The following CDC73 variants were observed in gnomAD, a reference collection of about 807,000 sequenced individuals.
The protein encoded by CDC73 is cell division cycle 73.
CDC73 carries 21 observed loss-of-function variants against 83.7 expected under a neutral mutation model. The observed-to-expected ratio is 0.25, with a 90% CI of 0.18 to 0.36. CDC73 has a LOEUF of 0.36. Among genes scored for constraint, CDC73 ranks in the 10% least tolerant of loss-of-function variants. The pLI, the probability that CDC73 is intolerant of heterozygous loss-of-function variation, is 1.00. For synonymous variants in CDC73, 224 were observed against 212.9 expected, an observed-to-expected ratio of 1.05 and a Z score of -0.45; for missense variants, 342 against 653.3, an observed-to-expected ratio of 0.52 and a Z score of 5.19.
intron 13 of CDC73, among the ~76,000 whole-genome samples, chr1:193,220,189 C>T (rs1365627612): frequency 6.8e-5 from 7 of 103,328 alleles, no homozygotes; most frequent in South Asian, 3.3e-4. Flanking sequence ...TTTTTTGAGA[C>T]GGAGTCTCGC....
At chr1:193,132,049 TAACTG>T in intron 3 of CDC73, among the ~76,000 whole-genome samples, 1 of 152,322 alleles carries the variant, frequency 6.6e-6, no homozygotes, top group Admixed American at 6.5e-5. Flanking sequence ...GGTAGGTTCT[TAACTG>T]AATAAATGAG....
intron 10 of CDC73, among the ~76,000 whole-genome samples, chr1:193,187,253 G>T (rs1676830217): frequency 6.6e-6 from 1 of 151,882 alleles, no homozygotes; most frequent in Admixed American, 6.6e-5. Flanking sequence ...ACTTTTTAAT[G>T]TTGTCATTTA....
intron 3 of CDC73, among the ~76,000 whole-genome samples, chr1:193,134,242 T>C (rs929645299): frequency 6.6e-6 from 1 of 152,082 alleles, no homozygotes; most frequent in Non-Finnish European, 1.5e-5. Flanking sequence ...TGAAAACTTG[T>C]GACTTTATAT....
rs564215608 is a variant in CDC73 at position 193,216,462 on chromosome 1, C to T, written c.1154+3985C>T. ...ATCAGTAGAAAAGAATCCTACCAAC[C>T]GGAAGCCCCCCAACCCCAAACCAGA... On this transcript the variant is annotated intron_variant, in intron 13 of 16. Coordinates refer to ENST00000367435, the MANE Select transcript of CDC73 (RefSeq NM_024529.5). 3.9e-5 allele frequency among the ~76,000 whole-genome samples: 6 copies of T among 152,126 alleles called. 1 individual carries two copies. The South Asian group carries it at 1.0e-3, about 26-fold the overall frequency.
At chr1:193,238,326 T>C (rs1478949963) in intron 15 of CDC73, among the ~76,000 whole-genome samples, 1 of 152,186 alleles carries the variant, frequency 6.6e-6, no homozygotes, top group Non-Finnish European at 1.5e-5. Context: ...CTTTTTCCTT[T>C]TATAGCTGCA....
At chr1:193,241,951 A>G (rs1054942634) in intron 15 of CDC73, among the ~76,000 whole-genome samples, 1 of 152,176 alleles carries the variant, frequency 6.6e-6, no homozygotes, top group Admixed American at 6.5e-5. Context: ...AACGGCCAGT[A>G]AGCAGGCATC....
intron 1 of CDC73, among the ~76,000 whole-genome samples, chr1:193,123,229 T>C (rs377373367): frequency 4.9e-4 from 75 of 152,270 alleles, no homozygotes; most frequent in African/African-American, 1.7e-3. Context: ...TTGGTTGGTA[T>C]TTATTTATTT....
chr1:193,172,233 G>A (rs1266551756), intron 10 of CDC73, among the ~76,000 whole-genome samples: 1 of 141,210 alleles, frequency 7.1e-6, no homozygotes, highest in Admixed American at 7.3e-5. Context: ...CTGATTTTTG[G>A]TACCTTTTTT....
intron 14 of CDC73, among the ~76,000 whole-genome samples, chr1:193,234,271 A>AATATATATAATTTATTATATATATTAT (rs1439782612): frequency 7.3e-6 from 1 of 137,176 alleles, no homozygotes; most frequent in African/African-American, 2.7e-5. Flanking sequence ...ATTTAATTAT[A>AATATATATAATTTATTATATATATTAT]ATATATATAA....
rs1485379127 is a variant in CDC73 at position 193,152,325 on chromosome 1, G to T, written c.908-55G>T. 4 of 1,078,808 alleles carry T rather than the reference G, an allele frequency of 3.7e-6. No individual in the cohort carries two copies. In the South Asian group the frequency reaches 5.1e-5, roughly 14 times the overall value. The allele number at this position is 1,078,808 out of a possible 1,614,324, so 66.8% of individuals were successfully genotyped here. A position where few individuals can be genotyped will look rare whatever the true frequency, so the allele number is the denominator to read the frequency against. On this transcript the variant is annotated intron_variant, in intron 9 of 16. Coordinates refer to ENST00000367435, the MANE Select transcript of CDC73 (RefSeq NM_024529.5). ...GATTATTACTTTAGATTTGTTATAG[G>T]TCATAAGATACATGATCTATAAAAT...
At position 193,190,273 on chromosome 1, in the gene CDC73, A is replaced by G. The variant is rs74130931; in HGVS notation, c.973-13522A>G. Among the ~76,000 whole-genome samples, 68 of 152,300 alleles carry G rather than the reference A, an allele frequency of 4.5e-4. 1 individual carries two copies. In the East Asian group the frequency reaches 7.7e-3, roughly 17 times the overall value. On this transcript the variant is annotated intron_variant, in intron 10 of 16. Transcript: ENST00000367435. ...TATTGAGATGACTAGACAATTTTGC[A>G]TGATGTTTGCTTGGAGTTTATTTCT...
chr1:193,196,685 A>C (rs1012508007), intron 10 of CDC73, among the ~76,000 whole-genome samples: 1 of 152,112 alleles, frequency 6.6e-6, no homozygotes, highest in African/African-American at 2.4e-5. Context: ...GTTTATTCCT[A>C]AGTATTTCAT....
At chr1:193,208,078 TTC>T (rs1677219274) in intron 11 of CDC73, among the ~76,000 whole-genome samples, 1 of 152,242 alleles carries the variant, frequency 6.6e-6, no homozygotes. Flanking sequence ...CTCTATAGTC[TTC>T]TGCTTTTTCA....
intron 10 of CDC73, among the ~76,000 whole-genome samples, chr1:193,202,778 C>G (rs1677114787): frequency 6.6e-6 from 1 of 151,788 alleles, no homozygotes; most frequent in African/African-American, 2.4e-5. Flanking sequence ...TTTTTATAGT[C>G]ATTTATTTTT....
intron 7 of CDC73, among the ~76,000 whole-genome samples, chr1:193,146,888 T>C (rs900905399): frequency 3.3e-5 from 5 of 152,212 alleles, no homozygotes; most frequent in African/African-American, 1.2e-4. Context: ...TCAAAACTCA[T>C]ATGTAGCAAT....
chr1:193,234,273 T>TATAATATATATA, intron 14 of CDC73, among the ~76,000 whole-genome samples: 1 of 135,484 alleles, frequency 7.4e-6, no homozygotes, highest in South Asian at 2.2e-4. Flanking sequence ...TTAATTATAA[T>TATAATATATATA]ATATATAATA....
chr1:193,197,868 T>C (rs1407423870), intron 10 of CDC73, among the ~76,000 whole-genome samples: 2 of 143,204 alleles, frequency 1.4e-5, no homozygotes, highest in African/African-American at 5.3e-5. Context: ...GAGGTTGCAG[T>C]GAGCTGAGAT....
At chr1:193,168,552 GTC>G (rs1050337431) in intron 10 of CDC73, among the ~76,000 whole-genome samples, 18 of 150,442 alleles carry the variant, frequency 1.2e-4, no homozygotes, top group Non-Finnish European at 2.7e-4. Flanking sequence ...TTGAGACAGA[GTC>G]TCTCTCTGTC....
intron 13 of CDC73, among the ~76,000 whole-genome samples, chr1:193,224,388 AAT>A (rs1572209778): frequency 6.6e-6 from 1 of 151,658 alleles, no homozygotes; most frequent in East Asian, 1.9e-4. Flanking sequence ...ACATATATGA[AAT>A]ATGCATTCAC....
Sources: gnomAD v4.1 joint callset for allele counts (sites outside exome capture counted in the v4.1 genomes callset) on GRCh38, gnomAD v4.1.1 for gene constraint, MANE v1.5 for transcripts, NCBI Gene and HGNC (gene_info 2026-07-23, HGNC 2026-07-21) for gene names.